Variants in ZNF836 observed in about 807,000 individuals in gnomAD.
ZNF836 encodes the protein zinc finger protein 836.
A neutral mutation model predicts 7.4 loss-of-function variants in ZNF836; 12 were observed. The ratio of observed to expected loss-of-function variants is 1.61; its 90% CI spans 1.03 to 2.61. The LOEUF (loss-of-function observed/expected upper bound fraction) is 2.61, where lower values mean the gene tolerates loss of function less well. ZNF836 is among the 30% of genes most tolerant of loss of function. The probability of loss-of-function intolerance (pLI) is 0.00; values close to 1 mark genes in which losing one functional copy is unlikely to be tolerated. For synonymous variants in ZNF836, 365 were observed against 382.6 expected (o/e 0.95, Z 0.54); for missense variants, 998 against 1,126.2 (o/e 0.89, Z 1.63).
intron 4 of ZNF836, among the ~76,000 whole-genome samples, chr19:52,158,971 A>C (rs1600139690): frequency 6.6e-6 from 1 of 152,166 alleles, no homozygotes; most frequent in African/African-American, 2.4e-5. Context: ...AGTAGATGTG[A>C]AAAAGCTTTT....
intron 4 of ZNF836, 174 bp downstream of exon 4, chr19:52,160,291 G>A: frequency 1.4e-6 from 1 of 704,870 alleles, no homozygotes. Context: ...AAAGGGGATA[G>A]TGTGATGATA....
rs1448027645 is a variant in ZNF836 at position 52,161,026 on chromosome 19, A to G, written c.16-435T>C. On this transcript the variant is annotated intron_variant, in intron 3 of 4. Transcript: ENST00000682614. This position sits in a 1 kb window ranked among gnomAD's most constrained non-coding sequence, Gnocchi z 4.1. Reference sequence around the variant, plus strand: ...TGACTGAAGTTTTGGAACACTCCCCATGTGCTGGGCATTACTCCAAATGCT... The same window carrying G: ...TGACTGAAGTTTTGGAACACTCCCCGTGTGCTGGGCATTACTCCAAATGCT... Among the ~76,000 whole-genome samples the G allele has an allele frequency of 3.9e-5, 6 of 152,234 alleles. No homozygotes were observed. Among genetic ancestry groups the G allele is most frequent in the Non-Finnish European group, 8.8e-5 (6 of 68,042 alleles).
rs1600146548 is a variant in ZNF836 at position 52,171,613 on chromosome 19, G to C, written c.-492C>G. ...GCGGGGTGCGACCCGCAAGGGAAAG[G>C]GCAGAAAGACTGGCCAGATTTGGGA... On this transcript the variant is annotated 5_prime_UTR_variant, in exon 1 of 5. Coordinates refer to ENST00000682614, the MANE Select transcript of ZNF836 (RefSeq NM_001102657.3). The C allele has an allele frequency of 6.6e-6, 1 of 152,260 alleles. No individual in the cohort carries two copies. Among genetic ancestry groups the C allele is most frequent in the Admixed American group, 6.5e-5 (1 of 15,274 alleles). The allele number at this position is 152,260 out of a possible 1,614,324, so 9.4% of individuals were successfully genotyped here.
chr19:52,155,824 T>C lies in ZNF836; in HGVS notation c.1859A>G (p.Asn620Ser), dbSNP rs759011891. ...ATGATTTGAAAGGTTTCCACTGTCA[T>C]TGAAGACCTTGCCACACACATTACA... The part of the protein sequence containing the change: ...YKCNVCGKVF[N>S]DSGNLSNHKR... The change falls in exon 5 of 5, where the codon AAT becomes AGT. Residue 620 changes from asparagine (N) to serine (S), a missense_variant. Coordinates refer to ENST00000682614, the MANE Select transcript of ZNF836 (RefSeq NM_001102657.3). 8 of 1,613,764 alleles carry C rather than the reference T, an allele frequency of 5.0e-6. No individual in the cohort carries two copies. The highest frequency in any genetic ancestry group is 5.1e-6 in the Non-Finnish European group (6 of 1,179,872).
At chr19:52,159,065 AACCAAG>A (rs1246305765) in intron 4 of ZNF836, among the ~76,000 whole-genome samples, 1 of 152,170 alleles carries the variant, frequency 6.6e-6, no homozygotes, top group Non-Finnish European at 1.5e-5. Context: ...CCACACCAAG[AACCAAG>A]GTGACTGGCT....
Position 52,157,154 on chromosome 19 carries a change from C to G in ZNF836, c.529G>C (p.Val177Leu), listed in dbSNP as rs1378902381. 1.2e-6 allele frequency: 2 copies of G among 1,613,230 alleles called. No individual in the cohort carries two copies. Among genetic ancestry groups the G allele is most frequent in the South Asian group, 2.2e-5 (2 of 91,020 alleles). ...GGAAGAATTCTTTGAAGTGGTGAAA[C>G]TAGGGAACTGTTATTAACTGTCTTC... is the stretch of plus-strand genomic sequence containing the variant. ...SEKTVNNSSL[V>L]SPLQRILPSV... Residue 177 changes from valine (V) to leucine (L), a missense_variant, in exon 5 of 5, where the codon GTT becomes CTT. Coordinates refer to ENST00000682614, the MANE Select transcript of ZNF836 (RefSeq NM_001102657.3).
rs765787272 is a variant in ZNF836, at chr19:52,155,747, C to G, written c.1936G>C (p.Val646Leu). Residue 646 changes from valine to leucine, a missense_variant, in exon 5 of 5, where the codon GTT becomes CTT. Transcript: ENST00000682614. ...GCTAGGCATGAGTAGTAACTGAAAA[C>G]CTTGCCGCATTCGTTACATTGAAAC... ...KPFQCNECGK[V>L]FSYYSCLARH... is the part of the protein sequence containing the mutation. 1.2e-6 allele frequency: 2 copies of G among 1,614,160 alleles called. No homozygotes were observed. The highest frequency in any genetic ancestry group is 4.5e-5 in the East Asian group (2 of 44,880).
In ZNF836 at chr19:52,154,305, C is replaced by A. The variant is rs1005433578; in HGVS notation, c.*567G>T. ...CCACAAGTGATCTGCCTGCTCCAAC[C>A]TCCCTAAATGCTGGGATTACAGGCA... On this transcript the variant is annotated 3_prime_UTR_variant, in exon 5 of 5. Transcript: ENST00000682614. 6.6e-6 allele frequency among the ~76,000 whole-genome samples: 1 copy of A among 152,116 alleles called. No individual in the cohort carries two copies.
chr19:52,167,500 A>G (rs902255056), intron 3 of ZNF836, among the ~76,000 whole-genome samples: 1 of 146,152 alleles, frequency 6.8e-6, no homozygotes, highest in African/African-American at 2.5e-5. Flanking sequence ...AAAAAAAATC[A>G]ATGATAAAAT....
At chr19:52,159,225 A>G (rs1229339103) in intron 4 of ZNF836, among the ~76,000 whole-genome samples, 1 of 152,224 alleles carries the variant, frequency 6.6e-6, no homozygotes, top group Non-Finnish European at 1.5e-5. Context: ...AATAATGTTG[A>G]TATACCTTAT....
At chr19:52,164,651 G>A (rs1285739286) in intron 3 of ZNF836, among the ~76,000 whole-genome samples, 1 of 152,050 alleles carries the variant, frequency 6.6e-6, no homozygotes, top group African/African-American at 2.4e-5. Context: ...ATAAAAAACA[G>A]AGAAAAATGA....
intron 4 of ZNF836, among the ~76,000 whole-genome samples, chr19:52,159,140 C>A (rs1310229221): frequency 6.6e-6 from 1 of 152,086 alleles, no homozygotes; most frequent in Non-Finnish European, 1.5e-5. Context: ...GTTGTTTAAA[C>A]GACCCTATCT....
At position 52,155,136 on chromosome 19, in the gene ZNF836, C is replaced by G. The variant is rs762562500; in HGVS notation, c.2547G>C (p.Leu849=). 2.4e-5 allele frequency: 38 copies of G among 1,613,774 alleles called. No homozygotes were observed. The highest frequency in any genetic ancestry group is 3.0e-5 in the Non-Finnish European group (35 of 1,179,916). ...CAGTGTGATTTCTTTGATGGTACACCAGCTTTGACCTTTCAATAAAAGCTT... is the reference window on the plus strand; with the variant it reads ...CAGTGTGATTTCTTTGATGGTACACGAGCTTTGACCTTTCAATAAAAGCTT... ...CGKAFIERSK[L]VYHQRNHTGE... Residue 849 remains leucine (L), a synonymous_variant, in exon 5 of 5, where the codon CTG becomes CTC. Transcript: ENST00000682614.
intron 2 of ZNF836, among the ~76,000 whole-genome samples, 177 bp downstream of exon 2, chr19:52,169,471 C>T (rs1276083644): frequency 1.3e-5 from 2 of 151,932 alleles, no homozygotes; most frequent in African/African-American, 4.8e-5. Flanking sequence ...CCCAGGTACT[C>T]GTGAGGCTGA....
At chr19:52,158,918 G>A (rs1247461005) in intron 4 of ZNF836, among the ~76,000 whole-genome samples, 2 of 152,114 alleles carry the variant, frequency 1.3e-5, no homozygotes, top group African/African-American at 2.4e-5. Context: ...AGGCAATTAG[G>A]TCACCATGGT....
Position 52,154,576 on chromosome 19 carries a change from C to T in ZNF836, c.*296G>A. The T allele has an allele frequency of 5.0e-6, 1 of 200,186 alleles. No homozygotes were observed. The highest frequency in any genetic ancestry group is 5.2e-5 in the Admixed American group (1 of 19,220). 12.4% of individuals were successfully genotyped at this position (200,186 alleles called of 1,614,324 possible). A position where few individuals can be genotyped will look rare whatever the true frequency, so the allele number is the denominator to read the frequency against. ...CAGGGAGACTGAGGCAGGAGAATCA[C>T]TTGAACCTGGGAGGCAGAGGTTGCA... On this transcript the variant is annotated 3_prime_UTR_variant, in exon 5 of 5. Coordinates refer to ENST00000682614, the MANE Select transcript of ZNF836 (RefSeq NM_001102657.3).
Position 52,155,463 on chromosome 19 carries a change from A to G in ZNF836, c.2220T>C (p.His740=). ...TFSHITGLTY[H]QRRHTGEMPY... is the part of the protein sequence containing the mutation. ...GCATCTCTCCAGTATGCCTTCTCTGATGGTACGTCAGGCCTGTTATATGAC... is the reference window on the plus strand; with the variant it reads ...GCATCTCTCCAGTATGCCTTCTCTGGTGGTACGTCAGGCCTGTTATATGAC... The change falls in exon 5 of 5, where the codon CAT becomes CAC. Residue 740 remains histidine (H), a synonymous_variant. Coordinates refer to ENST00000682614, the MANE Select transcript of ZNF836 (RefSeq NM_001102657.3). 1 of 1,614,024 alleles carries G rather than the reference A, an allele frequency of 6.2e-7. No homozygotes were observed. Among genetic ancestry groups the G allele is most frequent in the Admixed American group, 1.7e-5 (1 of 60,014 alleles).
At chr19:52,166,678 A>G (rs888624976) in intron 3 of ZNF836, among the ~76,000 whole-genome samples, 1 of 146,672 alleles carries the variant, frequency 6.8e-6, no homozygotes, top group African/African-American at 2.5e-5. Context: ...GGTTCATGCC[A>G]TTCTCCTGCT....
rs773603859 is a variant in ZNF836 at position 52,155,390 on chromosome 19, G to A, written c.2293C>T (p.Leu765Phe). The A allele has an allele frequency of 1.2e-6, 2 of 1,614,120 alleles. No homozygotes were observed. Among genetic ancestry groups the A allele is most frequent in the South Asian group, 1.1e-5 (1 of 91,086 alleles). ...GTGTGAATTCTCCGATGCCTTGCAAGGTTCGAAGTGGAATTAAAGACCTGG... is the reference window on the plus strand; with the variant it reads ...GTGTGAATTCTCCGATGCCTTGCAAAGTTCGAAGTGGAATTAAAGACCTGG... ...CGQVFNSTSNLARHRRIHTGE... is the reference protein window; with the variant it reads ...CGQVFNSTSNFARHRRIHTGE... The change falls in exon 5 of 5, where the codon CTT becomes TTT. Residue 765 changes from leucine (L) to phenylalanine (F), a missense_variant. Transcript: ENST00000682614.
Sources: gnomAD v4.1 joint callset for allele counts (sites outside exome capture counted in the v4.1 genomes callset) on GRCh38, gnomAD v4.1.1 for gene constraint, Gnocchi (gnomAD v3.1) non-coding constraint, MANE v1.5 for transcripts, NCBI Gene and HGNC (gene_info 2026-07-23, HGNC 2026-07-21) for gene names.